The following COL21A1 variants were observed in gnomAD, a reference collection of about 807,000 sequenced individuals.
COL21A1 encodes collagen alpha-1(XXI) chain.
COL21A1 carries 149 observed loss-of-function variants against 137.9 expected under a neutral mutation model. That is an observed-to-expected ratio of 1.08 (90% CI 0.95 to 1.24). The LOEUF is 1.24. Ranked by LOEUF, COL21A1 falls within the 50% of genes most tolerant of loss-of-function variation. The pLI, the probability that COL21A1 is intolerant of heterozygous loss-of-function variation, is 0.00. For missense variants in COL21A1, 1,167 were observed against 1,158.4 expected (o/e 1.01, Z -0.11); for synonymous variants, 456 against 391.5 (o/e 1.16, Z -1.95).
At chr6:56,323,327 G>T (rs750145221) in intron 1 of COL21A1, among the ~76,000 whole-genome samples, 3 of 152,068 alleles carry the variant, frequency 2.0e-5, no homozygotes, top group African/African-American at 7.2e-5. Context: ...TAGCTAATTG[G>T]AAACAAACTC....
At chr6:56,316,191 C>T (rs1404908524) in intron 1 of COL21A1, among the ~76,000 whole-genome samples, 1 of 151,920 alleles carries the variant, frequency 6.6e-6, no homozygotes, top group Admixed American at 6.6e-5. Context: ...ACATGTGTTG[C>T]CTCACATTCT....
At chr6:56,148,115 A>C (rs1774983873) in intron 10 of COL21A1, among the ~76,000 whole-genome samples, 1 of 152,144 alleles carries the variant, frequency 6.6e-6, no homozygotes, top group African/African-American at 2.4e-5. Context: ...ATTTCTTTCA[A>C]TACAGTTGTC....
chr6:56,117,111 T>C (rs894233710), intron 16 of COL21A1, among the ~76,000 whole-genome samples: 8 of 151,958 alleles, frequency 5.3e-5, no homozygotes, highest in Admixed American at 3.9e-4. Flanking sequence ...ATAATAACAT[T>C]TAATGTAAAC....
chr6:56,096,798 A>T lies in COL21A1; in HGVS notation c.1812+4674T>A, dbSNP rs574746421. 3.3e-5 allele frequency among the ~76,000 whole-genome samples: 5 copies of T among 152,304 alleles called. No homozygotes were observed. The East Asian group carries it at 9.6e-4, about 29-fold the overall frequency. On this transcript the variant is annotated intron_variant, in intron 17 of 29. Coordinates refer to ENST00000244728, the MANE Select transcript of COL21A1 (RefSeq NM_030820.4). The stretch of plus-strand genomic sequence containing the variant: ...AACTCCATTAATTTTCTTGGCTGCC[A>T]CATTATAGAATAAAGTGAATATGCC...
chr6:56,377,819 T>C (rs561896502), intron 1 of COL21A1, among the ~76,000 whole-genome samples: 1 of 152,170 alleles, frequency 6.6e-6, no homozygotes, highest in African/African-American at 2.4e-5. Context: ...ATATGTTCCT[T>C]CCACTGAAGG....
intron 17 of COL21A1, among the ~76,000 whole-genome samples, chr6:56,082,329 AAAC>A (rs1582277523): frequency 5.5e-5 from 6 of 109,282 alleles, no homozygotes; most frequent in East Asian, 2.3e-4. Context: ...GTGTTAAAAC[AAAC>A]AAACAAACAA....
intron 1 of COL21A1, among the ~76,000 whole-genome samples, chr6:56,301,507 A>T (rs1764071085): frequency 1.3e-5 from 2 of 152,148 alleles, no homozygotes; most frequent in Non-Finnish European, 2.9e-5. Context: ...CTTTTAAGCC[A>T]CTAAGTTTGT....
intron 1 of COL21A1, among the ~76,000 whole-genome samples, chr6:56,380,863 G>C (rs1228975792): frequency 6.6e-6 from 1 of 152,010 alleles, no homozygotes; most frequent in Non-Finnish European, 1.5e-5. Flanking sequence ...TAGCACTGTT[G>C]GCCATGAGTT....
At chr6:56,161,059 T>C (rs1582520204) in intron 9 of COL21A1, among the ~76,000 whole-genome samples, 1 of 152,210 alleles carries the variant, frequency 6.6e-6, no homozygotes, top group African/African-American at 2.4e-5. Context: ...AATTTTAACA[T>C]AAAAATGTAA....
chr6:56,174,750 T>C (rs1055043472), intron 3 of COL21A1, among the ~76,000 whole-genome samples: 1 of 152,058 alleles, frequency 6.6e-6, no homozygotes. Flanking sequence ...AATTAATATC[T>C]TTCTTAAGAT....
intron 3 of COL21A1, among the ~76,000 whole-genome samples, chr6:56,175,202 A>C (rs779768093): frequency 2.5e-4 from 38 of 152,252 alleles, no homozygotes; most frequent in Non-Finnish European, 4.9e-4. Flanking sequence ...CAATGATAAA[A>C]TGTTAAAAGC....
At chr6:56,192,259 C>T (rs905683418) in intron 1 of COL21A1, among the ~76,000 whole-genome samples, 1 of 152,062 alleles carries the variant, frequency 6.6e-6, no homozygotes, top group Non-Finnish European at 1.5e-5. Flanking sequence ...AGAAGAAAAC[C>T]TAGGCAATAC....
At chr6:56,088,482 G>T (rs932530595) in intron 17 of COL21A1, among the ~76,000 whole-genome samples, 2 of 152,138 alleles carry the variant, frequency 1.3e-5, no homozygotes, top group East Asian at 3.9e-4. Context: ...AAGGAATTTT[G>T]CAAAAAGTAC....
chr6:56,064,142 A>G (rs533259538), intron 24 of COL21A1, among the ~76,000 whole-genome samples: 1 of 152,176 alleles, frequency 6.6e-6, no homozygotes, highest in Admixed American at 6.6e-5. Context: ...AGAGCAGTAA[A>G]TTGTCTCTCT....
In COL21A1 at chr6:56,274,913, C is replaced by T. The variant is rs114853206; in HGVS notation, c.-38-92257G>A. 7.3e-3 allele frequency among the ~76,000 whole-genome samples: 1,115 copies of T among 152,054 alleles called. 17 individuals are homozygous for T. Among genetic ancestry groups the T allele is most frequent in the African/African-American group, 0.025 (1,029 of 41,500 alleles). On this transcript the variant is annotated intron_variant, in intron 1 of 28. Coordinates refer to the COL21A1 transcript ENST00000370819. The stretch of plus-strand genomic sequence containing the variant: ...AAAAGCCCAAAGAGCCAAAGCAATC[C>T]TAAGCAAAGAGAATAAATCTAGAGG...
chr6:56,140,255 C>T (rs538997024), intron 12 of COL21A1, among the ~76,000 whole-genome samples: 4 of 152,142 alleles, frequency 2.6e-5, no homozygotes, highest in African/African-American at 9.6e-5. Context: ...AAATTAGTTA[C>T]CAACTGAAGA....
At chr6:56,170,008 T>C (rs1229503055) in intron 5 of COL21A1, among the ~76,000 whole-genome samples, 2 of 151,934 alleles carry the variant, frequency 1.3e-5, no homozygotes, top group Non-Finnish European at 2.9e-5. Context: ...CTTTAGACTA[T>C]CATAATAATG....
intron 9 of COL21A1, among the ~76,000 whole-genome samples, chr6:56,157,595 C>T (rs909891777): frequency 3.3e-5 from 5 of 151,994 alleles, no homozygotes; most frequent in Non-Finnish European, 7.4e-5. Context: ...GCCACTGCAC[C>T]CAGCCTATAG....
At chr6:56,331,499 A>C (rs1267481938) in intron 1 of COL21A1, among the ~76,000 whole-genome samples, 1 of 151,874 alleles carries the variant, frequency 6.6e-6, no homozygotes, top group East Asian at 1.9e-4. Flanking sequence ...TGTATATGAC[A>C]GTGCAGTTTT....
Sources: allele counts gnomAD v4.1 joint callset (sites outside exome capture counted in the v4.1 genomes callset), GRCh38; gene constraint gnomAD v4.1.1; transcripts MANE v1.5; gene names NCBI Gene and HGNC (gene_info 2026-07-23, HGNC 2026-07-21).